NIPBL: variants seen among roughly 807,000 people sequenced by gnomAD.
NIPBL encodes NIPBL cohesin loading factor, also known as nipped-B-like protein.
A neutral mutation model predicts 321.8 loss-of-function variants in NIPBL; 19 were observed. The observed-to-expected ratio is 0.06, with a 90% CI of 0.04 to 0.09. The LOEUF is 0.09. Among genes scored for constraint, NIPBL ranks in the 10% least tolerant of loss-of-function variants. The pLI is 1.00. For missense variants in NIPBL, 2,210 were observed against 3,327.0 expected (o/e 0.66, Z 8.26); for synonymous variants, 1,106 against 1,114.1 (o/e 0.99, Z 0.14).
At chr5:36,947,973 TA>T (rs1342847416) in intron 1 of NIPBL, among the ~76,000 whole-genome samples, 1 of 152,020 alleles carries the variant, frequency 6.6e-6, no homozygotes, top group Non-Finnish European at 1.5e-5. Flanking sequence ...ATATCTTTAA[TA>T]TCTTTTCATG....
chr5:37,014,069 G>T (rs986724037), intron 21 of NIPBL, among the ~76,000 whole-genome samples: 1 of 152,268 alleles, frequency 6.6e-6, no homozygotes, highest in Non-Finnish European at 1.5e-5. Context: ...CCAGTCAGGC[G>T]TGGCGGTGCG....
chr5:36,974,070 G>A (rs760097758), intron 8 of NIPBL, among the ~76,000 whole-genome samples: 3 of 152,158 alleles, frequency 2.0e-5, no homozygotes, highest in Non-Finnish European at 4.4e-5. Flanking sequence ...GTAACTATTT[G>A]TAGGTTAGAT....
chr5:36,953,558 TC>T, intron 1 of NIPBL, 59 bp from the exon 2 acceptor site: 4 of 757,418 alleles, frequency 5.3e-6, no homozygotes, highest in Non-Finnish European at 9.3e-6. Context: ...TTAAGCATTT[TC>T]CTGATAGTAA....
At chr5:37,041,957 T>G (rs977221477) in intron 34 of NIPBL, among the ~76,000 whole-genome samples, 1 of 152,164 alleles carries the variant, frequency 6.6e-6, no homozygotes, top group Admixed American at 6.5e-5. Context: ...TAGACCCACT[T>G]TAACTCATTA....
chr5:36,952,058 G>C (rs1262989999), intron 1 of NIPBL, among the ~76,000 whole-genome samples: 5 of 92,896 alleles, frequency 5.4e-5, no homozygotes, highest in African/African-American at 1.9e-4. Flanking sequence ...GTGTGTGCGC[G>C]CGCGCGCGCG....
chr5:36,977,586 GT>G (rs34041883), intron 9 of NIPBL, among the ~76,000 whole-genome samples: 3 of 148,164 alleles, frequency 2.0e-5, no homozygotes, highest in Non-Finnish European at 3.0e-5. Flanking sequence ...AGGGAGCTGG[GT>G]TTTTTTTTCT....
At chr5:36,921,674 T>C (rs144868939) in intron 1 of NIPBL, among the ~76,000 whole-genome samples, 1 of 152,232 alleles carries the variant, frequency 6.6e-6, no homozygotes, top group Admixed American at 6.5e-5. Context: ...GCCACAGGAG[T>C]AAAATCCTAC....
intron 1 of NIPBL, among the ~76,000 whole-genome samples, chr5:36,918,066 C>T (rs909192361): frequency 6.6e-5 from 10 of 152,118 alleles, no homozygotes; most frequent in Non-Finnish European, 1.2e-4. Flanking sequence ...TGAAGAAAGT[C>T]ATTGGTAGCT....
chr5:37,063,884 C>T lies in NIPBL; in HGVS notation c.7955C>T (p.Ser2652Leu). Residue 2652 changes from serine (S) to leucine (L), a missense_variant, in exon 46 of 47, where the codon TCA becomes TTA. Ser to Leu is a moderately radical substitution (Grantham distance 145, BLOSUM62 -2). Transcript: ENST00000282516. ...AATGCTCGGAACAAAGCAATTACCT[C>T]ACTGCTTGGAGGAGGCAGCCCTAAA... ...STNARNKAIT[S>L]LLGGGSPKNN... The T allele has an allele frequency of 1.9e-6, 3 of 1,614,000 alleles. No homozygotes were observed. Among genetic ancestry groups the T allele is most frequent in the Non-Finnish European group, 2.5e-6 (3 of 1,179,990 alleles).
chr5:37,042,489 G>A (rs1228870552), intron 34 of NIPBL, among the ~76,000 whole-genome samples: 1 of 150,776 alleles, frequency 6.6e-6, no homozygotes, highest in African/African-American at 2.4e-5. Context: ...ATGAGGATTA[G>A]TAGCTTAAAA....
intron 31 of NIPBL, among the ~76,000 whole-genome samples, 154 bp downstream of exon 31, chr5:37,026,481 G>A (rs529488210): frequency 6.6e-6 from 1 of 152,226 alleles, no homozygotes; most frequent in African/African-American, 2.4e-5. Flanking sequence ...GATGCTGAAG[G>A]GATGCAAGTA....
chr5:36,982,705 A>G (rs977252744), intron 9 of NIPBL, among the ~76,000 whole-genome samples: 3 of 151,702 alleles, frequency 2.0e-5, no homozygotes, highest in Middle Eastern at 3.2e-3. Flanking sequence ...TCTTTACGTA[A>G]ATTGGATTGA....
At chr5:36,969,612 A>G (rs1323098482) in intron 6 of NIPBL, among the ~76,000 whole-genome samples, 2 of 152,196 alleles carry the variant, frequency 1.3e-5, no homozygotes. Flanking sequence ...TGGGTTAAAG[A>G]CCTAACTGAA....
In NIPBL at chr5:37,064,912, A is replaced by G; in HGVS notation, c.*20A>G. On this transcript the variant is annotated 3_prime_UTR_variant, in exon 47 of 47. Transcript: ENST00000282516. ...AGCTAATGAATTTGTACATGCAGCC[A>G]AATTTACAGGAATTTTTTTAAAAGG... 1 of 1,614,050 alleles carries G rather than the reference A, an allele frequency of 6.2e-7. No homozygotes were observed. The highest frequency in any genetic ancestry group is 1.1e-5 in the South Asian group (1 of 91,060).
At chr5:36,915,850 C>G (rs1748416511) in intron 1 of NIPBL, among the ~76,000 whole-genome samples, 1 of 152,070 alleles carries the variant, frequency 6.6e-6, no homozygotes, top group Non-Finnish European at 1.5e-5. Flanking sequence ...CTGAACATAC[C>G]AGGAAGTCTT....
At chr5:36,886,716 C>T (rs1000934380) in intron 1 of NIPBL, among the ~76,000 whole-genome samples, 4 of 151,758 alleles carry the variant, frequency 2.6e-5, no homozygotes, top group African/African-American at 7.3e-5. Context: ...AAAACCACCA[C>T]CACAATCAGA....
chr5:36,938,222 CG>C (rs761683538), intron 1 of NIPBL, among the ~76,000 whole-genome samples: 1 of 151,992 alleles, frequency 6.6e-6, no homozygotes, highest in Non-Finnish European at 1.5e-5. Flanking sequence ...CCACTGGTTC[CG>C]GGAGAAGGGT....
At chr5:36,987,348 A>T (rs1357894449) in intron 10 of NIPBL, among the ~76,000 whole-genome samples, 1 of 152,182 alleles carries the variant, frequency 6.6e-6, no homozygotes, top group African/African-American at 2.4e-5. Context: ...TTTTTTGGCT[A>T]TTTAAATTTA....
chr5:37,035,936 C>T (rs1338865342), intron 32 of NIPBL, among the ~76,000 whole-genome samples: 2 of 152,114 alleles, frequency 1.3e-5, no homozygotes, highest in African/African-American at 4.8e-5. Flanking sequence ...AAGGATAATG[C>T]AGAAAAGAAA....
Sources: gnomAD v4.1 joint callset for allele counts (sites outside exome capture counted in the v4.1 genomes callset) on GRCh38, gnomAD v4.1.1 for gene constraint, MANE v1.5 for transcripts, NCBI Gene and HGNC (gene_info 2026-07-23, HGNC 2026-07-21) for gene names.